Variants in SMOC2 observed in about 807,000 individuals in gnomAD.
SMOC2 encodes the protein SPARC related modular calcium binding 2, also known as SPARC-related modular calcium-binding protein 2.
SMOC2 carries 39 observed loss-of-function variants against 61.4 expected under a neutral mutation model. The ratio of observed to expected loss-of-function variants is 0.64; its 90% CI spans 0.49 to 0.83. SMOC2 has a LOEUF of 0.83. SMOC2 is among the 40% of genes least tolerant of loss of function. The pLI is 0.00. For synonymous variants in SMOC2, 247 were observed against 239.9 expected (o/e 1.03, Z -0.27); for missense variants, 556 against 592.9 (o/e 0.94, Z 0.65).
At chr6:168,608,587 C>T (rs895953494) in intron 9 of SMOC2, among the ~76,000 whole-genome samples, 5 of 152,236 alleles carry the variant, frequency 3.3e-5, no homozygotes, top group African/African-American at 1.2e-4. Context: ...ATTCTACCTA[C>T]ATTTCACTGT....
chr6:168,604,548 T>C (rs9364470), intron 8 of SMOC2, among the ~76,000 whole-genome samples: 28,051 of 152,220 alleles, frequency 0.18, 2,803 homozygotes, highest in East Asian at 0.37. Context: ...TTCTTATTAA[T>C]TTTCTGAAAT....
chr6:168,485,822 G>A (rs1025153926), intron 1 of SMOC2, among the ~76,000 whole-genome samples: 1 of 152,182 alleles, frequency 6.6e-6, no homozygotes, highest in Non-Finnish European at 1.5e-5. Flanking sequence ...TGAATTGTGT[G>A]ATAGGGGAAT....
At chr6:168,454,903 G>T (rs776429725) in intron 1 of SMOC2, among the ~76,000 whole-genome samples, 1 of 152,170 alleles carries the variant, frequency 6.6e-6, no homozygotes, top group Non-Finnish European at 1.5e-5. Context: ...GGTCCCTGTG[G>T]CCAGGGTCCC....
chr6:168,623,231 G>A (rs1222988876), intron 9 of SMOC2, among the ~76,000 whole-genome samples: 2 of 152,114 alleles, frequency 1.3e-5, no homozygotes, highest in African/African-American at 2.4e-5. Context: ...TACTCTAAAA[G>A]GACAGAGCAG....
intron 7 of SMOC2, among the ~76,000 whole-genome samples, chr6:168,574,963 A>G (rs1324397635): frequency 1.3e-5 from 2 of 152,112 alleles, no homozygotes; most frequent in African/African-American, 2.4e-5. Context: ...TGATCTGCAA[A>G]AGCTAAACAT....
chr6:168,572,991 C>T (rs1472038959), intron 7 of SMOC2, among the ~76,000 whole-genome samples: 2 of 100,318 alleles, frequency 2.0e-5, no homozygotes, highest in African/African-American at 5.3e-5. Flanking sequence ...CTCCCCACAT[C>T]CCCGGGTGCT....
intron 2 of SMOC2, among the ~76,000 whole-genome samples, chr6:168,518,339 GGTGT>G (rs1783198840): frequency 6.6e-6 from 1 of 151,250 alleles, no homozygotes; most frequent in African/African-American, 2.4e-5. Context: ...GTATGCCTGA[GGTGT>G]GTGTGCGTGA....
In SMOC2 at chr6:168,653,088, A is replaced by C; in HGVS notation, c.1145A>C (p.Lys382Thr). 6.2e-7 allele frequency: 1 copy of C among 1,614,188 alleles called. No individual in the cohort carries two copies. The highest frequency in any genetic ancestry group is 2.2e-5 in the East Asian group (1 of 44,880). ...CCCTTCAAGAGGTTCCTTCGCAAAA[A>C]ATCAAAGCCCAAAAAATGTGTGAAG... The part of the protein sequence containing the change: ...IKPFKRFLRK[K>T]SKPKKCVKKF... The change falls in exon 11 of 13, where the codon AAA becomes ACA. Residue 382 changes from lysine (K) to threonine (T), a missense_variant. By Grantham distance (78) the Lys-to-Thr change is moderately conservative. Transcript: ENST00000356284.
intron 9 of SMOC2, among the ~76,000 whole-genome samples, chr6:168,612,113 T>C (rs918879465): frequency 1.3e-5 from 2 of 152,216 alleles, no homozygotes; most frequent in Non-Finnish European, 2.9e-5. Flanking sequence ...TGGTTTTGCT[T>C]ATCTAGGGCC....
At chr6:168,658,677 A>G (rs1349258544) in intron 11 of SMOC2, among the ~76,000 whole-genome samples, 1 of 152,162 alleles carries the variant, frequency 6.6e-6, no homozygotes, top group Non-Finnish European at 1.5e-5. Context: ...GCGGGTTTTC[A>G]GGTAGAGTAA....
intron 6 of SMOC2, among the ~76,000 whole-genome samples, chr6:168,547,388 C>T (rs1784029495): frequency 6.6e-6 from 1 of 151,342 alleles, no homozygotes; most frequent in African/African-American, 2.4e-5. Flanking sequence ...AGGAAAACAG[C>T]AAGCCGAAAG....
chr6:168,474,639 T>C (rs2115016974), intron 1 of SMOC2, among the ~76,000 whole-genome samples: 1 of 152,262 alleles, frequency 6.6e-6, no homozygotes, highest in East Asian at 1.9e-4. Flanking sequence ...AACTGCCTCC[T>C]TGATAGCGCC....
intron 7 of SMOC2, among the ~76,000 whole-genome samples, chr6:168,558,837 ACGTGTGTATGTGCG>A (rs1363880607): frequency 6.7e-6 from 1 of 149,014 alleles, no homozygotes; most frequent in African/African-American, 2.5e-5. Flanking sequence ...ATGTGTGTGC[ACGTGTGTATGTGCG>A]CGTGTGCGCA....
At chr6:168,659,236 T>C (rs1203761429) in intron 11 of SMOC2, among the ~76,000 whole-genome samples, 1 of 152,014 alleles carries the variant, frequency 6.6e-6, no homozygotes. Flanking sequence ...GGCAAACAGA[T>C]CAGGAGACAA....
intron 9 of SMOC2, among the ~76,000 whole-genome samples, chr6:168,613,745 G>A (rs1302478672): frequency 1.1e-5 from 1 of 87,566 alleles, no homozygotes; most frequent in African/African-American, 3.8e-5. Context: ...AGCACAGGGG[G>A]CCTCTTCACA....
At chr6:168,488,078 C>A (rs1782377708) in intron 1 of SMOC2, among the ~76,000 whole-genome samples, 1 of 152,184 alleles carries the variant, frequency 6.6e-6, no homozygotes, top group Non-Finnish European at 1.5e-5. Context: ...GCTGCCCTAT[C>A]ACAGCACCAC....
At chr6:168,518,819 A>G (rs201354520) in intron 2 of SMOC2, among the ~76,000 whole-genome samples, 1 of 100,324 alleles carries the variant, frequency 1.0e-5, no homozygotes, top group South Asian at 4.3e-4. Context: ...ATGCATGTTT[A>G]TGTGAGTGCA....
chr6:168,547,130 G>C lies in SMOC2; in HGVS notation c.523G>C (p.Ala175Pro). 6.2e-7 allele frequency: 1 copy of C among 1,614,110 alleles called. No individual in the cohort carries two copies. The highest frequency in any genetic ancestry group is 1.7e-5 in the Admixed American group (1 of 60,018). Reference sequence around the variant, plus strand: ...CGTTCTGAATTCAGATGATGCCGCAGCTCCAGCGTTGGAGACTCAGCCTCA... The same window carrying C: ...CGTTCTGAATTCAGATGATGCCGCACCTCCAGCGTTGGAGACTCAGCCTCA... Reference protein sequence around the residue: ...EGTGKTDDAAAPALETQPQGD... With the variant: ...EGTGKTDDAAPPALETQPQGD... The change falls in exon 6 of 13, where the codon GCT becomes CCT. Residue 175 changes from alanine (A) to proline (P), a missense_variant. Physicochemically the swap from Ala to Pro is conservative, Grantham distance 27. Transcript: ENST00000356284.
At chr6:168,629,667 G>A (rs1292180584) in intron 9 of SMOC2, among the ~76,000 whole-genome samples, 1 of 152,132 alleles carries the variant, frequency 6.6e-6, no homozygotes, top group African/African-American at 2.4e-5. Context: ...AGTCATCAAG[G>A]AATGAAATGG....
Sources: gnomAD v4.1 joint callset for allele counts (sites outside exome capture counted in the v4.1 genomes callset) on GRCh38, gnomAD v4.1.1 for gene constraint, MANE v1.5 for transcripts, NCBI Gene and HGNC (gene_info 2026-07-23, HGNC 2026-07-21) for gene names.